Variants in GRIK5 observed in about 807,000 individuals in gnomAD.
GRIK5 encodes the protein glutamate receptor ionotropic, kainate 5.
A neutral mutation model predicts 97.4 loss-of-function variants in GRIK5; 43 were observed. The observed-to-expected ratio is 0.44, with a 90% confidence interval of 0.35 to 0.57. The LOEUF (loss-of-function observed/expected upper bound fraction) is 0.57, where lower values mean the gene tolerates loss of function less well. GRIK5 is among the 20% of genes least tolerant of loss of function. GRIK5 has a pLI of 0.01. For synonymous variants in GRIK5, 580 were observed against 583.5 expected, an observed-to-expected ratio of 0.99 and a Z score of 0.09; for missense variants, 1,015 against 1,382.0, an observed-to-expected ratio of 0.73 and a Z score of 4.21.
At chr19:42,019,224 C>G (rs1163579925) in intron 15 of GRIK5, among the ~76,000 whole-genome samples, 1 of 152,088 alleles carries the variant, frequency 6.6e-6, no homozygotes, top group Admixed American at 6.5e-5. Flanking sequence ...CATGGCAGGT[C>G]TCCTAGGCGC....
rs575386793 is a variant in GRIK5, at chr19:42,042,100, C to T, written c.1473+452G>A. 6.6e-6 allele frequency among the ~76,000 whole-genome samples: 1 copy of T among 152,316 alleles called. No individual in the cohort carries two copies. The highest frequency in any genetic ancestry group is 1.9e-4 in the East Asian group (1 of 5,166). The stretch of plus-strand genomic sequence containing the variant: ...TGGGTGAATGTATGAGTTCTACATG[C>T]AGCCCTCCAGGTCCATGATGTGCCA... On this transcript the variant is annotated intron_variant, in intron 12 of 19. Transcript: ENST00000593562. This position sits in a 1 kb window ranked among gnomAD's most constrained non-coding sequence, Gnocchi z 6.9.
intron 10 of GRIK5, 53 bp from the exon 11 acceptor site, chr19:42,053,762 G>A: frequency 1.3e-6 from 2 of 1,543,876 alleles, no homozygotes; most frequent in Non-Finnish European, 1.8e-6. Flanking sequence ...GGTCATGGCA[G>A]CCTCTGGGCC....
Position 42,002,516 on chromosome 19 carries a change from A to G in GRIK5, c.2514+816T>C. ...GGAGTCCTTGGGCCAAGTGCAGAAC[A>G]CTGGCAGGCAGCTGGATGCAGAGCT... On this transcript the variant is annotated intron_variant, in intron 19 of 19. Coordinates refer to ENST00000593562, the MANE Select transcript of GRIK5 (RefSeq NM_002088.5). The surrounding 1 kb of genome is among the most constrained non-coding windows in gnomAD (Gnocchi z 5.2). 1.4e-6 allele frequency: 1 copy of G among 707,898 alleles called. No individual in the cohort carries two copies. The highest frequency in any genetic ancestry group is 2.6e-6 in the Non-Finnish European group (1 of 379,008). The allele number at this position is 707,898 out of a possible 1,614,324, so 43.9% of individuals were successfully genotyped here. A position where few individuals can be genotyped will look rare whatever the true frequency, so the allele number is the denominator to read the frequency against.
In GRIK5 at chr19:41,998,767, C is replaced by T. The variant is rs1293360960; in HGVS notation, c.*104G>A. 5.7e-6 allele frequency: 3 copies of T among 524,506 alleles called. No homozygotes were observed. Among genetic ancestry groups the T allele is most frequent in the Non-Finnish European group, 7.5e-6 (3 of 397,716 alleles). The allele number at this position is 524,506 out of a possible 1,614,324, so 32.5% of individuals were successfully genotyped here. The stretch of plus-strand genomic sequence containing the variant: ...AATCGCGGCGTCCGGGGCGCCGGCG[C>T]ACAAGTCCTGTCCCGCGCCCGCTGC... On this transcript the variant is annotated 3_prime_UTR_variant, in exon 20 of 20. Transcript: ENST00000593562.
chr19:42,021,555 G>A lies in GRIK5; in HGVS notation c.1698-81C>T. The A allele has an allele frequency of 8.4e-7, 1 of 1,194,930 alleles. No individual in the cohort carries two copies. The highest frequency in any genetic ancestry group is 1.1e-6 in the Non-Finnish European group (1 of 870,242). The allele number at this position is 1,194,930 out of a possible 1,614,324, so 74.0% of individuals were successfully genotyped here. The stretch of plus-strand genomic sequence containing the variant: ...AGGAAAGAAGCAAAGGAAAGTCACA[G>A]TGATCAGAAGAAAGGGGGAGAGATG... On this transcript the variant is annotated intron_variant, in intron 14 of 19. Transcript: ENST00000593562. This position sits in a 1 kb window ranked among gnomAD's most constrained non-coding sequence, Gnocchi z 4.2.
chr19:42,036,987 G>A (rs1385864008), intron 12 of GRIK5, among the ~76,000 whole-genome samples: 1 of 152,326 alleles, frequency 6.6e-6, no homozygotes, highest in South Asian at 2.1e-4. Context: ...CCTGCCTGCA[G>A]GTCACAAAGC....
chr19:42,019,848 T>A (rs1245168820), intron 15 of GRIK5, among the ~76,000 whole-genome samples: 1 of 152,238 alleles, frequency 6.6e-6, no homozygotes, highest in African/African-American at 2.4e-5. Flanking sequence ...AACTTGATTT[T>A]ACGCCATTGA....
rs373548765 is a variant in GRIK5 at position 42,051,264 on chromosome 19, A to G, written c.1269+2338T>C. Among the ~76,000 whole-genome samples, 57 of 152,082 alleles carry G rather than the reference A, an allele frequency of 3.7e-4. No homozygotes were observed. The South Asian group carries it at 0.012, about 32-fold the overall frequency. On this transcript the variant is annotated intron_variant, in intron 11 of 19. Coordinates refer to ENST00000593562, the MANE Select transcript of GRIK5 (RefSeq NM_002088.5). The stretch of plus-strand genomic sequence containing the variant: ...GGACTTCTGCACCCCCAGCTTCCCC[A>G]TGGGGCCTCTCTCTATCTCAGCGCC...
At position 42,056,686 on chromosome 19, in the gene GRIK5, T is replaced by A. The variant is rs1192522293; in HGVS notation, c.879A>T (p.Glu293Asp). ...CCGCAGGGCCCAGGTAGGTGCTGGC[T>A]TCACAGTTCTCCCTCCAGGACATGT... is the stretch of plus-strand genomic sequence containing the variant. ...SLNMSWRENC[E>D]ASTYLGPALS... Residue 293 changes from glutamate to aspartate, a missense_variant, in exon 8 of 20, where the codon GAA (glutamate) becomes GAT (aspartate). By Grantham distance (45) the Glu-to-Asp change is conservative (BLOSUM62 2). This residue lies in a region of GRIK5 where 477 missense variants were observed against 701.1 expected (regional missense o/e 0.68). Coordinates refer to ENST00000593562, the MANE Select transcript of GRIK5 (RefSeq NM_002088.5). 3 of 1,614,046 alleles carry A rather than the reference T, an allele frequency of 1.9e-6. No individual in the cohort carries two copies. Among genetic ancestry groups the A allele is most frequent in the Non-Finnish European group, 2.5e-6 (3 of 1,179,918 alleles).
At position 42,002,540 on chromosome 19, in the gene GRIK5, C is replaced by T. The variant is rs782486127; in HGVS notation, c.2514+792G>A. 1.4e-4 allele frequency: 98 copies of T among 687,114 alleles called. No homozygotes were observed. The highest frequency in any genetic ancestry group is 2.5e-4 in the Non-Finnish European group (92 of 368,598). The allele number at this position is 687,114 out of a possible 1,614,324, so 42.6% of individuals were successfully genotyped here. A position where few individuals can be genotyped will look rare whatever the true frequency, so the allele number is the denominator to read the frequency against. On this transcript the variant is annotated intron_variant, in intron 19 of 19. Transcript: ENST00000593562. The surrounding 1 kb of genome is among the most constrained non-coding windows in gnomAD (Gnocchi z 5.2). Reference sequence around the variant, plus strand: ...CACTGGCAGGCAGCTGGATGCAGAGCTGGGGTCTGGGGAGTAGATGTAAGG... The same window carrying T: ...CACTGGCAGGCAGCTGGATGCAGAGTTGGGGTCTGGGGAGTAGATGTAAGG...
chr19:42,019,025 G>A (rs2075665281), intron 15 of GRIK5, among the ~76,000 whole-genome samples: 2 of 152,228 alleles, frequency 1.3e-5, no homozygotes, highest in Admixed American at 1.3e-4. Flanking sequence ...AGGGCCAAAG[G>A]CTCCGATGAG....
In GRIK5 at chr19:41,999,607, T is replaced by C. The variant is rs184453947; in HGVS notation, c.2515-308A>G. On this transcript the variant is annotated intron_variant, in intron 19 of 19. Transcript: ENST00000593562. The surrounding 1 kb of genome is among the most constrained non-coding windows in gnomAD (Gnocchi z 5.0). ...ACTGTCTCTAAATTTTCTCCAGTTC[T>C]TCCTTCCTGATTTCCCATCTTCTGC... Among the ~76,000 whole-genome samples the C allele has an allele frequency of 1.3e-5, 2 of 152,368 alleles. No individual in the cohort carries two copies. The highest frequency in any genetic ancestry group is 4.8e-5 in the African/African-American group (2 of 41,590).
chr19:42,055,825 G>A (rs1405705299), intron 8 of GRIK5, among the ~76,000 whole-genome samples: 1 of 152,032 alleles, frequency 6.6e-6, no homozygotes, highest in African/African-American at 2.4e-5. Flanking sequence ...TGGGATTACA[G>A]GCATACGCCA....
chr19:42,046,329 T>C (rs1013707696), intron 11 of GRIK5, among the ~76,000 whole-genome samples: 1 of 152,108 alleles, frequency 6.6e-6, no homozygotes, highest in Admixed American at 6.5e-5. Context: ...ATAACCGTAA[T>C]CTAGGACTCA....
At chr19:42,007,620 G>T (rs782044536) in intron 15 of GRIK5, among the ~76,000 whole-genome samples, 7 of 152,158 alleles carry the variant, frequency 4.6e-5, no homozygotes, top group Admixed American at 1.3e-4. Context: ...GGAGGGAGCT[G>T]CAAAGAGAGG....
Position 41,998,992 on chromosome 19 carries a change from G to T in GRIK5, c.2822C>A (p.Ala941Glu), listed in dbSNP as rs1555870144. ...RVCQECRRIQ[A>E]LRASGAGAPP... ...CGCGCCGGCCCCCGAGGCCCGCAGC[G>T]CCTGGATGCGCCGGCACTCCTGGCA... Residue 941 changes from alanine to glutamate, a missense_variant, in exon 20 of 20, where the codon GCG becomes GAG. By Grantham distance (107) the Ala-to-Glu change is moderately radical. This residue lies in a region of GRIK5 where 109 missense variants were observed against 100.4 expected (regional missense o/e 1.09). Coordinates refer to ENST00000593562, the MANE Select transcript of GRIK5 (RefSeq NM_002088.5). The T allele has an allele frequency of 4.9e-6, 6 of 1,212,594 alleles. No individual in the cohort carries two copies. In the South Asian group the frequency reaches 1.1e-4, roughly 21 times the overall value. 75.1% of individuals were successfully genotyped at this position (1,212,594 alleles called of 1,614,324 possible).
intron 15 of GRIK5, among the ~76,000 whole-genome samples, chr19:42,015,457 T>C (rs1409069287): frequency 3.3e-5 from 5 of 152,232 alleles, no homozygotes; most frequent in African/African-American, 4.8e-5. Context: ...GAATGTTCTC[T>C]GACCACGATG....
chr19:42,011,035 G>C lies in GRIK5; in HGVS notation c.1872-4225C>G, dbSNP rs543604439. Among the ~76,000 whole-genome samples, 8 of 151,786 alleles carry C rather than the reference G, an allele frequency of 5.3e-5. No homozygotes were observed. In the South Asian group the frequency reaches 1.7e-3, roughly 32 times the overall value. On this transcript the variant is annotated intron_variant, in intron 15 of 19. Coordinates refer to ENST00000593562, the MANE Select transcript of GRIK5 (RefSeq NM_002088.5). ...TTGGCCAGGCTGGTGTTGGACGCCT[G>C]GGTTCAAGGAATCCTCCAGCCTCGG...
intron 15 of GRIK5, among the ~76,000 whole-genome samples, chr19:42,012,477 C>G (rs2075575731): frequency 6.6e-6 from 1 of 152,148 alleles, no homozygotes; most frequent in Admixed American, 6.5e-5. Context: ...TCTAGAACCC[C>G]TGAGCTCAGG....
Sources: allele counts gnomAD v4.1 joint callset (sites outside exome capture counted in the v4.1 genomes callset), GRCh38; gene constraint gnomAD v4.1.1; regional missense constraint gnomAD v4.1.1; non-coding constraint Gnocchi (gnomAD v3.1); transcripts MANE v1.5; gene names NCBI Gene and HGNC (gene_info 2026-07-23, HGNC 2026-07-21).